The following EYS variants were observed in gnomAD, a reference collection of about 807,000 sequenced individuals.
EYS encodes the protein protein eyes shut homolog.
A neutral mutation model predicts 282.1 loss-of-function variants in EYS; 250 were observed. The observed-to-expected ratio is 0.89, with a 90% CI of 0.80 to 0.98. EYS has a LOEUF of 0.98. Ranked by LOEUF, EYS falls within the 50% of genes least tolerant of loss-of-function variation. The pLI is 0.00. For synonymous variants in EYS, 1,355 were observed against 1,282.9 expected (o/e 1.06, Z -1.20); for missense variants, 4,016 against 3,709.0 (o/e 1.08, Z -2.15).
rs746807263 is a variant in EYS, at chr6:63,721,763, G to A, written c.8268C>T (p.Ser2756=). The A allele has an allele frequency of 5.8e-6, 9 of 1,550,286 alleles. No homozygotes were observed. The highest frequency in any genetic ancestry group is 2.7e-5 in the African/African-American group (2 of 72,932). Residue 2756 remains serine (S), a synonymous_variant, in exon 43 of 43, where the codon TCC becomes TCT. Coordinates refer to ENST00000503581, the MANE Select transcript of EYS (RefSeq NM_001142800.2). The stretch of plus-strand genomic sequence containing the variant: ...CGCCAAGGTTGTAGCGAAGTTGAAC[G>A]GAACTATTTACTAAAGAGATGCATA... ...DFLCISLVNS[S]VQLRYNLGDR...
At chr6:64,717,483 C>T (rs541004706) in intron 22 of EYS, among the ~76,000 whole-genome samples, 6 of 152,298 alleles carry the variant, frequency 3.9e-5, no homozygotes, top group African/African-American at 1.2e-4. Flanking sequence ...AATCCTGCTA[C>T]TGATCTGACA....
chr6:65,696,320 A>T (rs1769456328), intron 1 of EYS, among the ~76,000 whole-genome samples: 1 of 152,034 alleles, frequency 6.6e-6, no homozygotes, highest in South Asian at 2.1e-4. Flanking sequence ...ATTTGGTTAA[A>T]AATGTAAACT....
intron 41 of EYS, among the ~76,000 whole-genome samples, chr6:63,741,056 C>T (rs189740839): frequency 6.6e-6 from 1 of 152,310 alleles, no homozygotes; most frequent in African/African-American, 2.4e-5. Context: ...CACAACTGCT[C>T]TTCTTGGATA....
intron 12 of EYS, among the ~76,000 whole-genome samples, chr6:65,102,386 A>G (rs769128043): frequency 6.6e-6 from 1 of 151,296 alleles, no homozygotes; most frequent in Non-Finnish European, 1.5e-5. Context: ...CAATATTCTA[A>G]AAGCAATTAG....
chr6:65,468,731 A>G (rs925202213), intron 5 of EYS, among the ~76,000 whole-genome samples: 2 of 152,090 alleles, frequency 1.3e-5, no homozygotes, highest in Non-Finnish European at 2.9e-5. Flanking sequence ...AGTTTTATGG[A>G]AGCCCAATAG....
intron 31 of EYS, among the ~76,000 whole-genome samples, chr6:64,192,468 G>A (rs1765144360): frequency 6.6e-6 from 1 of 152,066 alleles, no homozygotes; most frequent in South Asian, 2.1e-4. Flanking sequence ...GCATGGTACT[G>A]GTATCAAAAC....
chr6:65,253,003 A>G (rs975431928), intron 12 of EYS, among the ~76,000 whole-genome samples: 3 of 151,968 alleles, frequency 2.0e-5, no homozygotes, highest in Non-Finnish European at 2.9e-5. Context: ...TACCAAGAAA[A>G]GAGATGAAAG....
Position 64,591,202 on chromosome 6 carries a change from T to C in EYS, c.4665A>G (p.Thr1555=), listed in dbSNP as rs936091641. The change falls in exon 26 of 43, where the codon ACA becomes ACG. Residue 1555 remains threonine, a synonymous_variant. Transcript: ENST00000503581. ...AADSLRELSQ[T]CATCSMTEIK... ...TTTCAGTCATAGAACATGTTGCACATGTTTGGCTTAATTCTCTTAAAGAAT... is the reference window on the plus strand; with the variant it reads ...TTTCAGTCATAGAACATGTTGCACACGTTTGGCTTAATTCTCTTAAAGAAT... The C allele has an allele frequency of 6.4e-7, 1 of 1,551,354 alleles. No individual in the cohort carries two copies. Among genetic ancestry groups the C allele is most frequent in the Non-Finnish European group, 8.7e-7 (1 of 1,146,794 alleles).
chr6:65,183,604 TTATGA>T (rs1184445037), intron 12 of EYS, among the ~76,000 whole-genome samples: 8 of 151,896 alleles, frequency 5.3e-5, no homozygotes, highest in Non-Finnish European at 1.2e-4. Context: ...GTGTTACCAG[TTATGA>T]TATATTTCTT....
At chr6:64,992,404 T>C (rs1262734761) in intron 14 of EYS, among the ~76,000 whole-genome samples, 2 of 151,688 alleles carry the variant, frequency 1.3e-5, no homozygotes, top group African/African-American at 2.4e-5. Context: ...ACAAGTTGTT[T>C]AATCTAATAA....
chr6:64,669,376 A>G (rs1769356228), intron 22 of EYS, among the ~76,000 whole-genome samples: 1 of 152,132 alleles, frequency 6.6e-6, no homozygotes, highest in Admixed American at 6.5e-5. Context: ...AGAGAGAGAG[A>G]TAGGTTTGCA....
intron 12 of EYS, among the ~76,000 whole-genome samples, chr6:65,208,456 T>C (rs975226253): frequency 5.3e-5 from 8 of 151,920 alleles, no homozygotes; most frequent in Non-Finnish European, 8.8e-5. Flanking sequence ...TCAGGTCATC[T>C]ACACAAAGGA....
chr6:64,801,635 T>A (rs994407487), intron 22 of EYS, among the ~76,000 whole-genome samples: 1 of 152,178 alleles, frequency 6.6e-6, no homozygotes, highest in African/African-American at 2.4e-5. Context: ...GAATCCTTTT[T>A]AATGTATTTT....
intron 26 of EYS, among the ~76,000 whole-genome samples, chr6:64,480,589 C>G (rs1239806883): frequency 6.6e-6 from 1 of 151,744 alleles, no homozygotes; most frequent in Non-Finnish European, 1.5e-5. Flanking sequence ...CAGAATTAAG[C>G]ATTGATTAGT....
chr6:64,646,521 A>T (rs1335737209), intron 22 of EYS, among the ~76,000 whole-genome samples: 1 of 152,118 alleles, frequency 6.6e-6, no homozygotes, highest in East Asian at 1.9e-4. Flanking sequence ...AATTCTTTAT[A>T]GGCAGGGCGC....
intron 13 of EYS, among the ~76,000 whole-genome samples, chr6:65,032,870 G>A (rs956169474): frequency 7.2e-5 from 11 of 152,048 alleles, no homozygotes; most frequent in Non-Finnish European, 1.2e-4. Context: ...GGAAGATAAG[G>A]GAAAGTTTAG....
At chr6:63,965,246 C>T (rs1273120069) in intron 35 of EYS, among the ~76,000 whole-genome samples, 2 of 152,122 alleles carry the variant, frequency 1.3e-5, no homozygotes, top group Non-Finnish European at 2.9e-5. Context: ...AAGATACTAT[C>T]GATAAGCTTT....
At chr6:64,311,317 A>G (rs960834465) in intron 29 of EYS, among the ~76,000 whole-genome samples, 1 of 152,154 alleles carries the variant, frequency 6.6e-6, no homozygotes, top group Non-Finnish European at 1.5e-5. Context: ...AATGTAAAAT[A>G]TATATAATAG....
intron 12 of EYS, among the ~76,000 whole-genome samples, chr6:65,200,433 T>C (rs1765873476): frequency 6.6e-6 from 1 of 151,306 alleles, no homozygotes; most frequent in Admixed American, 6.6e-5. Context: ...TATGAATAGG[T>C]TAAATTGAGA....
Sources: gnomAD v4.1 joint callset for allele counts (sites outside exome capture counted in the v4.1 genomes callset) on GRCh38, gnomAD v4.1.1 for gene constraint, MANE v1.5 for transcripts, NCBI Gene and HGNC (gene_info 2026-07-23, HGNC 2026-07-21) for gene names.